NDST3: variants seen among roughly 807,000 people sequenced by gnomAD.
NDST3 encodes the protein N-deacetylase and N-sulfotransferase 3, also known as bifunctional heparan sulfate N-deacetylase/N-sulfotransferase 3.
A neutral mutation model predicts 96.1 loss-of-function variants in NDST3; 58 were observed. That is an observed-to-expected ratio of 0.60 (90% CI 0.49 to 0.75). NDST3 has a LOEUF of 0.75. Ranked by LOEUF, NDST3 falls within the 30% of genes least tolerant of loss-of-function variation. NDST3 has a pLI of 0.00. For synonymous variants in NDST3, 333 were observed against 359.7 expected (o/e 0.93, Z 0.84); for missense variants, 788 against 1,034.2 (o/e 0.76, Z 3.27).
chr4:118,161,676 C>T (rs1735150198), intron 6 of NDST3, among the ~76,000 whole-genome samples: 1 of 152,156 alleles, frequency 6.6e-6, no homozygotes, highest in Non-Finnish European at 1.5e-5. Flanking sequence ...CCCTCCGAGC[C>T]ATGTGAGGGA....
intron 4 of NDST3, among the ~76,000 whole-genome samples, chr4:118,121,484 A>G (rs949117894): frequency 6.6e-6 from 1 of 152,166 alleles, no homozygotes; most frequent in Non-Finnish European, 1.5e-5. Flanking sequence ...AACATTAGAG[A>G]AGGAGTGTTT....
intron 6 of NDST3, among the ~76,000 whole-genome samples, chr4:118,188,556 T>C (rs997773666): frequency 2.6e-5 from 4 of 152,076 alleles, no homozygotes; most frequent in African/African-American, 4.8e-5. Context: ...ACTTGCACCA[T>C]GGAGTTTATT....
intron 6 of NDST3, among the ~76,000 whole-genome samples, chr4:118,215,650 GAA>G (rs1739149642): frequency 5.9e-5 from 9 of 152,066 alleles, no homozygotes; most frequent in Admixed American, 5.9e-4. Context: ...GAAAATAGAG[GAA>G]AACAGAGGAA....
chr4:118,191,531 A>G (rs1354230174), intron 6 of NDST3, among the ~76,000 whole-genome samples: 2 of 152,162 alleles, frequency 1.3e-5, no homozygotes, highest in African/African-American at 4.8e-5. Context: ...CTAGGCCTGG[A>G]CTCAGCATGG....
chr4:118,138,213 A>G lies in NDST3; in HGVS notation c.1384A>G (p.Arg462Gly), dbSNP rs1478348779. The change falls in exon 5 of 14, where the codon AGG becomes GGG. Residue 462 changes from arginine (R) to glycine (G), a missense_variant. Physicochemically the swap from Arg to Gly is moderately radical, Grantham distance 125. Coordinates refer to ENST00000296499, the MANE Select transcript of NDST3 (RefSeq NM_004784.3). Reference protein sequence around the residue: ...YPHLKPARYRRGFIHKNIMVL... With the variant: ...YPHLKPARYRGGFIHKNIMVL... ...ACATCTGAAGCCAGCTAGATACCGG[A>G]GGGGTTTTATCCACAAAAACATCAT... 2 of 1,613,864 alleles carry G rather than the reference A, an allele frequency of 1.2e-6. No individual in the cohort carries two copies. Among genetic ancestry groups the G allele is most frequent in the Non-Finnish European group, 1.7e-6 (2 of 1,179,866 alleles).
At chr4:118,151,257 G>A (rs1325779394) in intron 6 of NDST3, among the ~76,000 whole-genome samples, 1 of 152,162 alleles carries the variant, frequency 6.6e-6, no homozygotes, top group Non-Finnish European at 1.5e-5. Flanking sequence ...TGAGAGGGGA[G>A]GGATAGCATT....
At chr4:118,119,121 T>G (rs1442735707) in intron 4 of NDST3, among the ~76,000 whole-genome samples, 1 of 152,196 alleles carries the variant, frequency 6.6e-6, no homozygotes, top group Non-Finnish European at 1.5e-5. Flanking sequence ...GAACTTCTAA[T>G]TGTATCATCA....
chr4:118,186,187 C>T (rs1736944422), intron 6 of NDST3, among the ~76,000 whole-genome samples: 1 of 152,114 alleles, frequency 6.6e-6, no homozygotes, highest in African/African-American at 2.4e-5. Context: ...TCATATTTAG[C>T]ATGAGTGACT....
intron 6 of NDST3, among the ~76,000 whole-genome samples, chr4:118,219,542 C>T (rs778579678): frequency 7.3e-5 from 11 of 151,014 alleles, no homozygotes; most frequent in Non-Finnish European, 1.3e-4. Context: ...AACTAAAGAT[C>T]GATTAAAGAC....
At chr4:118,094,676 T>C (rs1385457260) in intron 2 of NDST3, among the ~76,000 whole-genome samples, 1 of 151,856 alleles carries the variant, frequency 6.6e-6, no homozygotes, top group Non-Finnish European at 1.5e-5. Context: ...ATTTATTCTT[T>C]CATTCTTTCA....
intron 6 of NDST3, among the ~76,000 whole-genome samples, chr4:118,154,885 T>C (rs188790354): frequency 6.6e-6 from 1 of 152,260 alleles, no homozygotes; most frequent in Admixed American, 6.5e-5. Context: ...ACTGGGAAAA[T>C]CTGTGAGTGG....
At chr4:118,249,521 C>A (rs1162866185) in intron 12 of NDST3, among the ~76,000 whole-genome samples, 1 of 151,998 alleles carries the variant, frequency 6.6e-6, no homozygotes, top group Non-Finnish European at 1.5e-5. Flanking sequence ...CAAACAAGAC[C>A]ATAAACAGCA....
chr4:118,089,319 C>T (rs558206091), intron 2 of NDST3, among the ~76,000 whole-genome samples: 7 of 151,914 alleles, frequency 4.6e-5, no homozygotes, highest in African/African-American at 1.7e-4. Flanking sequence ...TTATCATTTA[C>T]TACATTTTTT....
intron 1 of NDST3, among the ~76,000 whole-genome samples, chr4:118,036,988 A>ATT (rs111775930): frequency 9.9e-5 from 15 of 151,084 alleles, no homozygotes; most frequent in East Asian, 3.9e-4. Flanking sequence ...TCATTGCTGA[A>ATT]TTTTTTTTTT....
chr4:118,117,728 G>A (rs1303576336), intron 4 of NDST3, among the ~76,000 whole-genome samples: 1 of 152,128 alleles, frequency 6.6e-6, no homozygotes, highest in Non-Finnish European at 1.5e-5. Flanking sequence ...GTATAATTAA[G>A]ACCAGAAATC....
chr4:118,210,091 T>A (rs967112335), intron 6 of NDST3, among the ~76,000 whole-genome samples: 13 of 152,116 alleles, frequency 8.5e-5, no homozygotes, highest in Admixed American at 5.9e-4. Flanking sequence ...AAATGTCAAG[T>A]TCCTGGAAAT....
At chr4:118,038,715 A>G (rs1414467181) in intron 1 of NDST3, among the ~76,000 whole-genome samples, 1 of 152,208 alleles carries the variant, frequency 6.6e-6, no homozygotes, top group Non-Finnish European at 1.5e-5. Flanking sequence ...ATATAGTTTT[A>G]TAGTTCATTC....
At chr4:118,205,543 A>T (rs1348225505) in intron 6 of NDST3, among the ~76,000 whole-genome samples, 1 of 144,436 alleles carries the variant, frequency 6.9e-6, no homozygotes, top group Non-Finnish European at 1.5e-5. Flanking sequence ...TAGTGATGCT[A>T]ATGTTCTTGT....
intron 6 of NDST3, among the ~76,000 whole-genome samples, chr4:118,218,830 A>G (rs1165710514): frequency 6.6e-6 from 1 of 152,184 alleles, no homozygotes; most frequent in Non-Finnish European, 1.5e-5. Flanking sequence ...GCTGATAAGT[A>G]ACTTCAGCAA....
Sources: gnomAD v4.1 joint callset for allele counts (sites outside exome capture counted in the v4.1 genomes callset) on GRCh38, gnomAD v4.1.1 for gene constraint, MANE v1.5 for transcripts, NCBI Gene and HGNC (gene_info 2026-07-23, HGNC 2026-07-21) for gene names.